ZNF423: variants seen among roughly 807,000 people sequenced by gnomAD.
ZNF423 encodes Ebf-associated zinc finger protein.
Under a neutral mutation model 95.8 loss-of-function variants are expected in ZNF423, and 12 were observed. The observed-to-expected ratio is 0.13, with a 90% CI of 0.08 to 0.20. The LOEUF (loss-of-function observed/expected upper bound fraction) is 0.20, where lower values mean the gene tolerates loss of function less well. Ranked by LOEUF, ZNF423 falls within the 10% of genes least tolerant of loss-of-function variation. ZNF423 has a pLI of 1.00. For missense variants in ZNF423, 1,316 were observed against 1,737.1 expected, an observed-to-expected ratio of 0.76 and a Z score of 4.31; for synonymous variants, 749 against 711.9, an observed-to-expected ratio of 1.05 and a Z score of -0.83.
At chr16:49,512,809 T>C (rs1018944600) in intron 7 of ZNF423, among the ~76,000 whole-genome samples, 8 of 152,238 alleles carry the variant, frequency 5.3e-5, no homozygotes, top group South Asian at 2.1e-4. Flanking sequence ...TAGGAAATAA[T>C]GGGCGGCTGG....
At chr16:49,678,169 C>T (rs927155646) in intron 3 of ZNF423, among the ~76,000 whole-genome samples, 1 of 151,920 alleles carries the variant, frequency 6.6e-6, no homozygotes, top group Non-Finnish European at 1.5e-5. Context: ...GGTGACAGAG[C>T]AAGACTCCAT....
chr16:49,837,822 C>G (rs1242693089), intron 1 of ZNF423, among the ~76,000 whole-genome samples: 4 of 152,244 alleles, frequency 2.6e-5, no homozygotes, highest in Non-Finnish European at 5.9e-5. Context: ...TAGCCACTGT[C>G]CTCTGCAGTT....
At chr16:49,633,262 A>G (rs375542148) in intron 4 of ZNF423, among the ~76,000 whole-genome samples, 12 of 152,304 alleles carry the variant, frequency 7.9e-5, no homozygotes, top group Admixed American at 3.3e-4. Context: ...TTACTCCTCA[A>G]TGAGTGTGGA....
intron 3 of ZNF423, among the ~76,000 whole-genome samples, chr16:49,692,456 T>C (rs1291686562): frequency 1.3e-5 from 2 of 152,082 alleles, no homozygotes; most frequent in African/African-American, 4.8e-5. Flanking sequence ...CCACCCAAAC[T>C]GACGTGGGAC....
At chr16:49,791,771 G>C (rs551013671) in intron 1 of ZNF423, among the ~76,000 whole-genome samples, 92 of 152,272 alleles carry the variant, frequency 6.0e-4, no homozygotes, top group Middle Eastern at 3.4e-3. Context: ...GGAGGCCAAG[G>C]CAAGCAGATC....
chr16:49,620,472 A>G (rs1972032609), intron 5 of ZNF423, among the ~76,000 whole-genome samples: 1 of 152,176 alleles, frequency 6.6e-6, no homozygotes, highest in African/African-American at 2.4e-5. Flanking sequence ...GCACCCAGGG[A>G]AAGGGCCGGC....
At chr16:49,517,774 C>A (rs1242930972) in intron 7 of ZNF423, 6 of 345,462 alleles carry the variant, frequency 1.7e-5, no homozygotes, top group South Asian at 1.4e-4. Flanking sequence ...ACTTGGGCTA[C>A]TTTAACTCTG....
chr16:49,734,484 G>A (rs1380007102), intron 2 of ZNF423, among the ~76,000 whole-genome samples: 1 of 152,224 alleles, frequency 6.6e-6, no homozygotes, highest in Non-Finnish European at 1.5e-5. Flanking sequence ...CGAGGAGAAG[G>A]CCAATGGCTC....
chr16:49,732,495 G>A (rs1490575888), intron 2 of ZNF423, among the ~76,000 whole-genome samples: 5 of 152,180 alleles, frequency 3.3e-5, no homozygotes, highest in Admixed American at 6.5e-5. Context: ...TTAAATCAAA[G>A]AAAGAGATCT....
At chr16:49,496,015 C>T (rs919809244) in intron 7 of ZNF423, among the ~76,000 whole-genome samples, 1 of 152,246 alleles carries the variant, frequency 6.6e-6, no homozygotes, top group African/African-American at 2.4e-5. Context: ...CTAGCTGCCT[C>T]TCCTGGCTCT....
At chr16:49,856,916 C>CAGG (rs1449346558), upstream of ZNF423, among the ~76,000 whole-genome samples, 3,417 of 84,834 alleles carry the variant, frequency 0.04, 138 homozygotes, top group African/African-American at 0.18. Flanking sequence ...GGAGGACGAG[C>CAGG]AGGCGGCGGC....
At chr16:49,513,978 T>C (rs993893715) in intron 7 of ZNF423, among the ~76,000 whole-genome samples, 2 of 151,958 alleles carry the variant, frequency 1.3e-5, no homozygotes, top group African/African-American at 2.4e-5. Context: ...CCCAGGAGAA[T>C]AATGCAGGAA....
intron 5 of ZNF423, among the ~76,000 whole-genome samples, chr16:49,582,424 A>G (rs976045168): frequency 6.6e-6 from 1 of 152,248 alleles, no homozygotes; most frequent in African/African-American, 2.4e-5. Flanking sequence ...TCATCCAGAA[A>G]GGTGTGATTA....
At chr16:49,563,179 A>G (rs918988289) in intron 5 of ZNF423, among the ~76,000 whole-genome samples, 5 of 152,146 alleles carry the variant, frequency 3.3e-5, no homozygotes, top group Admixed American at 3.3e-4. Flanking sequence ...TCGTGTTGGG[A>G]GCTGGGATCC....
At chr16:49,618,051 G>A (rs1034481850) in intron 5 of ZNF423, among the ~76,000 whole-genome samples, 4 of 152,188 alleles carry the variant, frequency 2.6e-5, no homozygotes, top group Admixed American at 6.5e-5. Context: ...ATCTCCATGG[G>A]TATCTTGTGC....
intron 5 of ZNF423, among the ~76,000 whole-genome samples, chr16:49,561,102 A>C: frequency 6.6e-6 from 1 of 152,140 alleles, no homozygotes; most frequent in East Asian, 1.9e-4. Flanking sequence ...GTCTATATGC[A>C]CGTACATGTG....
At position 49,837,357 on chromosome 16, in the gene ZNF423, AC is replaced by A. The variant is rs1161384618; in HGVS notation, c.40+18377del. Among the ~76,000 whole-genome samples the A allele has an allele frequency of 9.2e-5, 14 of 152,014 alleles. No homozygotes were observed. The East Asian group carries it at 2.5e-3, about 27-fold the overall frequency. On this transcript the variant is annotated intron_variant, in intron 1 of 7. Coordinates refer to ENST00000563137, the MANE Select transcript of ZNF423 (RefSeq NM_001379286.1). ...CTCAACTGGCAAATGAAGAGGGACA[AC>A]CCCTCCCCAGACCCCCACAACCTAC... is the stretch of plus-strand genomic sequence containing the variant.
chr16:49,635,738 G>A lies in ZNF423; in HGVS notation c.3438C>T (p.His1146=). The change falls in exon 4 of 8, where the codon CAC becomes CAT. Residue 1146 remains histidine, a synonymous_variant. Coordinates refer to ENST00000563137, the MANE Select transcript of ZNF423 (RefSeq NM_001379286.1). The surrounding 1 kb of genome is among the most constrained non-coding windows in gnomAD (Gnocchi z 4.8). ...KFESAEDLES[H]MQVDHRDLTP... is the part of the protein sequence containing the mutation. ...TGAGGTCACGGTGGTCCACCTGCATGTGGCTCTCCAGGTCTTCGGCACTCT... is the reference window on the plus strand; with the variant it reads ...TGAGGTCACGGTGGTCCACCTGCATATGGCTCTCCAGGTCTTCGGCACTCT... 6.2e-7 allele frequency: 1 copy of A among 1,612,406 alleles called. No individual in the cohort carries two copies. The highest frequency in any genetic ancestry group is 8.5e-7 in the Non-Finnish European group (1 of 1,179,672).
chr16:49,499,654 G>A lies in ZNF423; in HGVS notation c.3850-8350C>T, dbSNP rs569852381. ...GGGAGGAGGGTGCCCCCCACTTTCCGTGAACCCCCTCTTGCCAGGACACAA... is the reference window on the plus strand; with the variant it reads ...GGGAGGAGGGTGCCCCCCACTTTCCATGAACCCCCTCTTGCCAGGACACAA... On this transcript the variant is annotated intron_variant, in intron 7 of 7. Transcript: ENST00000563137. Among the ~76,000 whole-genome samples the A allele has an allele frequency of 3.8e-4, 58 of 152,242 alleles. 2 individuals carry two copies. In the South Asian group the frequency reaches 0.012, roughly 32 times the overall value.
Sources: allele counts gnomAD v4.1 joint callset (sites outside exome capture counted in the v4.1 genomes callset), GRCh38; gene constraint gnomAD v4.1.1; non-coding constraint Gnocchi (gnomAD v3.1); transcripts MANE v1.5; gene names NCBI Gene and HGNC (gene_info 2026-07-23, HGNC 2026-07-21).